The following ARID4B variants were observed in gnomAD, a reference collection of about 807,000 sequenced individuals.
The protein encoded by ARID4B is AT-rich interaction domain 4B.
ARID4B carries 26 observed loss-of-function variants against 147.5 expected under a neutral mutation model. That is an observed-to-expected ratio of 0.18 (90% CI 0.13 to 0.24). ARID4B has a LOEUF of 0.24. ARID4B is among the 10% of genes least tolerant of loss of function. The probability of loss-of-function intolerance (pLI) is 1.00; values close to 1 mark genes in which losing one functional copy is unlikely to be tolerated. For synonymous variants in ARID4B, 512 were observed against 507.9 expected, an observed-to-expected ratio of 1.01 and a Z score of -0.11; for missense variants, 1,179 against 1,511.5, an observed-to-expected ratio of 0.78 and a Z score of 3.65.
intron 11 of ARID4B, among the ~76,000 whole-genome samples, chr1:235,225,389 G>C (rs1667764551): frequency 6.6e-6 from 1 of 152,182 alleles, no homozygotes; most frequent in Non-Finnish European, 1.5e-5. Flanking sequence ...AATTACAAGG[G>C]AAGGACTAGC....
intron 19 of ARID4B, among the ~76,000 whole-genome samples, chr1:235,190,371 C>G (rs7550700): frequency 0.29 from 44,346 of 152,006 alleles, 7,564 homozygotes; most frequent in South Asian, 0.53. Context: ...ACACTTGAAC[C>G]CAGGAGGCAG....
chr1:235,168,317 T>A lies in ARID4B; in HGVS notation c.*208A>T. ...ACCAGACACACAATTCCCAGACAAG[T>A]TGGAAACAATTATTGCTTGAGGAAA... On this transcript the variant is annotated 3_prime_UTR_variant, in exon 24 of 24. Transcript: ENST00000264183. 1 of 492,150 alleles carries A rather than the reference T, an allele frequency of 2.0e-6. No individual in the cohort carries two copies. Among genetic ancestry groups the A allele is most frequent in the East Asian group, 3.7e-5 (1 of 26,688 alleles). The allele number at this position is 492,150 out of a possible 1,614,324, so 30.5% of individuals were successfully genotyped here. A position where few individuals can be genotyped will look rare whatever the true frequency, so the allele number is the denominator to read the frequency against.
chr1:235,313,286 G>A (rs1455620409), intron 2 of ARID4B, among the ~76,000 whole-genome samples: 1 of 151,934 alleles, frequency 6.6e-6, no homozygotes, highest in Non-Finnish European at 1.5e-5. Context: ...AGCCTCAAAC[G>A]CCCAAAGTGC....
intron 2 of ARID4B, among the ~76,000 whole-genome samples, chr1:235,296,789 AGGAG>A (rs1398001655): frequency 3.0e-5 from 3 of 99,216 alleles, no homozygotes; most frequent in Non-Finnish European, 6.2e-5. Flanking sequence ...AAAAAAAAAA[AGGAG>A]GAAGGAAGGA....
chr1:235,287,009 C>T (rs1297816434), intron 2 of ARID4B, among the ~76,000 whole-genome samples: 1 of 152,166 alleles, frequency 6.6e-6, no homozygotes, highest in African/African-American at 2.4e-5. Flanking sequence ...CCTGTAATCC[C>T]AGCACTTTGG....
chr1:235,247,779 G>A (rs545156485), intron 6 of ARID4B, among the ~76,000 whole-genome samples: 6 of 152,118 alleles, frequency 3.9e-5, no homozygotes, highest in Non-Finnish European at 7.4e-5. Context: ...ACCTGAGATC[G>A]GGAGTTGGAG....
intron 2 of ARID4B, among the ~76,000 whole-genome samples, chr1:235,319,818 C>A (rs72758080): frequency 0.13 from 19,943 of 151,872 alleles, 1,519 homozygotes; most frequent in African/African-American, 0.2. Flanking sequence ...ATGGTGAAAC[C>A]CCATTGCTAC....
chr1:235,316,682 G>A (rs985910326), intron 2 of ARID4B, among the ~76,000 whole-genome samples: 2 of 151,812 alleles, frequency 1.3e-5, no homozygotes, highest in Non-Finnish European at 2.9e-5. Context: ...AGCCAGGTGT[G>A]GTGGCAGGCG....
At chr1:235,327,105 A>C in intron 1 of ARID4B, 137 bp from the exon 2 acceptor site, 4 of 616,542 alleles carry the variant, frequency 6.5e-6, no homozygotes, top group Non-Finnish European at 1.2e-5. Context: ...GAACCATCAC[A>C]CGCCGACTCG....
At chr1:235,186,210 G>A (rs1049019941) in intron 19 of ARID4B, among the ~76,000 whole-genome samples, 4 of 151,898 alleles carry the variant, frequency 2.6e-5, no homozygotes, top group African/African-American at 4.8e-5. Context: ...CTCGTGATCC[G>A]CCCACCTCAG....
At chr1:235,177,088 A>G (rs1022593681) in intron 21 of ARID4B, among the ~76,000 whole-genome samples, 2 of 152,236 alleles carry the variant, frequency 1.3e-5, no homozygotes, top group Non-Finnish European at 2.9e-5. Flanking sequence ...GTCACATAAT[A>G]TAGAGTACCA....
At chr1:235,195,510 T>C (rs1665430789) in intron 18 of ARID4B, among the ~76,000 whole-genome samples, 1 of 151,912 alleles carries the variant, frequency 6.6e-6, no homozygotes, top group Non-Finnish European at 1.5e-5. Context: ...TGAGAATCGC[T>C]TGAACTGGGA....
At chr1:235,211,635 G>C (rs1666727044) in intron 17 of ARID4B, among the ~76,000 whole-genome samples, 1 of 152,160 alleles carries the variant, frequency 6.6e-6, no homozygotes, top group African/African-American at 2.4e-5. Flanking sequence ...CTGGAGTACA[G>C]TGGCATGATC....
At chr1:235,220,824 G>T (rs534920933) in intron 14 of ARID4B, among the ~76,000 whole-genome samples, 1 of 152,092 alleles carries the variant, frequency 6.6e-6, no homozygotes, top group Admixed American at 6.5e-5. Context: ...TGTGAGGCTG[G>T]ACTCCTTAGT....
At chr1:235,234,206 T>C (rs1431820129) in intron 9 of ARID4B, among the ~76,000 whole-genome samples, 2 of 152,158 alleles carry the variant, frequency 1.3e-5, no homozygotes, top group Non-Finnish European at 1.5e-5. Context: ...TTGGAAAAGA[T>C]TACCAAAATT....
intron 2 of ARID4B, among the ~76,000 whole-genome samples, chr1:235,296,900 T>C (rs1193203462): frequency 8.7e-6 from 1 of 114,506 alleles, no homozygotes; most frequent in Admixed American, 9.2e-5. Context: ...TAAAAAACCA[T>C]AGAAGTCATG....
chr1:235,210,330 G>T (rs1666633778), intron 17 of ARID4B, among the ~76,000 whole-genome samples: 1 of 151,860 alleles, frequency 6.6e-6, no homozygotes, highest in African/African-American at 2.4e-5. Flanking sequence ...GACTACCACT[G>T]AAGATAAAAC....
Position 235,182,147 on chromosome 1 carries a change from T to C in ARID4B, c.2772A>G (p.Arg924=). ...ERLQNSRAKD[R]KDVWSSIQGQ... is the part of the protein sequence containing the mutation. ...CCTGAATACTTGACCAGACATCTTT[T>C]CGATCTTTGGCCCTGCTGTTTTGAA... is the stretch of plus-strand genomic sequence containing the variant. The change falls in exon 20 of 24, where the codon CGA becomes CGG. Residue 924 remains arginine, a synonymous_variant. Coordinates refer to ENST00000264183, the MANE Select transcript of ARID4B (RefSeq NM_016374.6). 6.2e-7 allele frequency: 1 copy of C among 1,614,198 alleles called. No individual in the cohort carries two copies. Among genetic ancestry groups the C allele is most frequent in the Non-Finnish European group, 8.5e-7 (1 of 1,180,028 alleles).
chr1:235,291,001 A>G (rs1479981042), intron 2 of ARID4B, among the ~76,000 whole-genome samples: 1 of 152,116 alleles, frequency 6.6e-6, no homozygotes, highest in Non-Finnish European at 1.5e-5. Context: ...CAGGAGGCTG[A>G]GGTTGGAAGA....
Sources: gnomAD v4.1 joint callset for allele counts (sites outside exome capture counted in the v4.1 genomes callset) on GRCh38, gnomAD v4.1.1 for gene constraint, MANE v1.5 for transcripts, NCBI Gene and HGNC (gene_info 2026-07-23, HGNC 2026-07-21) for gene names.